Variants in GPC5 observed in about 807,000 individuals in gnomAD.
GPC5 encodes glypican-5.
GPC5 carries 47 observed loss-of-function variants against 53.9 expected under a neutral mutation model. That is an observed-to-expected ratio of 0.87 (90% CI 0.69 to 1.11). The LOEUF (loss-of-function observed/expected upper bound fraction) is 1.11. Ranked by LOEUF, GPC5 falls within the 50% of genes most tolerant of loss-of-function variation. GPC5 has a pLI of 0.00. For missense variants in GPC5, 748 were observed against 713.1 expected, an observed-to-expected ratio of 1.05 and a Z score of -0.56; for synonymous variants, 286 against 263.3, an observed-to-expected ratio of 1.09 and a Z score of -0.84.
intron 7 of GPC5, among the ~76,000 whole-genome samples, chr13:92,160,386 G>A (rs1010154890): frequency 9.9e-5 from 15 of 152,168 alleles, no homozygotes; most frequent in African/African-American, 3.4e-4. Flanking sequence ...CTTCCTTCTA[G>A]TCTTCGGGTG....
At chr13:92,840,907 A>G (rs1342002676) in intron 7 of GPC5, among the ~76,000 whole-genome samples, 1 of 151,840 alleles carries the variant, frequency 6.6e-6, no homozygotes, top group African/African-American at 2.4e-5. Context: ...CAGATTGTTC[A>G]TTTTTGATGT....
At chr13:92,196,702 C>T (rs2042258923) in intron 7 of GPC5, among the ~76,000 whole-genome samples, 1 of 152,180 alleles carries the variant, frequency 6.6e-6, no homozygotes, top group South Asian at 2.1e-4. Context: ...AACATGCCAA[C>T]ATCAAAAGCT....
At chr13:92,155,916 C>A (rs2041941753) in intron 7 of GPC5, among the ~76,000 whole-genome samples, 1 of 152,066 alleles carries the variant, frequency 6.6e-6, no homozygotes, top group Non-Finnish European at 1.5e-5. Context: ...ACTATGTTTG[C>A]AGAGATCATA....
At chr13:92,116,740 C>A (rs755649791) in intron 6 of GPC5, among the ~76,000 whole-genome samples, 1 of 152,148 alleles carries the variant, frequency 6.6e-6, no homozygotes, top group Non-Finnish European at 1.5e-5. Context: ...ATAACTTTCT[C>A]CATTATGACA....
chr13:91,474,925 G>T (rs1882845912), intron 2 of GPC5, among the ~76,000 whole-genome samples: 1 of 152,014 alleles, frequency 6.6e-6, no homozygotes, highest in South Asian at 2.1e-4. Flanking sequence ...AGTCCATAAG[G>T]ATAATATATT....
chr13:92,860,385 G>A (rs766584108), intron 7 of GPC5, among the ~76,000 whole-genome samples: 10 of 152,012 alleles, frequency 6.6e-5, no homozygotes, highest in Admixed American at 1.3e-4. Flanking sequence ...TTTGGTTCTC[G>A]GGTTATACAG....
intron 7 of GPC5, among the ~76,000 whole-genome samples, chr13:92,797,372 CTTGAT>C (rs1241543010): frequency 6.6e-6 from 1 of 151,866 alleles, no homozygotes; most frequent in African/African-American, 2.4e-5. Context: ...TAACCTGTTT[CTTGAT>C]TTATTTCCTC....
intron 6 of GPC5, among the ~76,000 whole-genome samples, chr13:92,122,807 C>T (rs1438310803): frequency 1.5e-5 from 1 of 65,896 alleles, no homozygotes; most frequent in Non-Finnish European, 2.9e-5. Flanking sequence ...TACATTCATT[C>T]TTAAAGAAGC....
intron 6 of GPC5, among the ~76,000 whole-genome samples, chr13:92,072,970 T>G (rs1444688215): frequency 6.6e-6 from 1 of 152,154 alleles, no homozygotes; most frequent in East Asian, 1.9e-4. Context: ...TTAATAAAAT[T>G]TAAGGCAAAA....
intron 5 of GPC5, among the ~76,000 whole-genome samples, chr13:91,809,393 TAA>T (rs1461395133): frequency 6.6e-6 from 1 of 152,174 alleles, no homozygotes; most frequent in African/African-American, 2.4e-5. Flanking sequence ...TTTCTGACAC[TAA>T]GTTTGACTAA....
At chr13:92,023,434 G>A (rs887944829) in intron 6 of GPC5, among the ~76,000 whole-genome samples, 6 of 151,884 alleles carry the variant, frequency 4.0e-5, no homozygotes, top group Non-Finnish European at 2.9e-5. Flanking sequence ...TCAAATTTGT[G>A]TTCACTAGGT....
At chr13:92,271,016 T>A (rs1352105800) in intron 7 of GPC5, among the ~76,000 whole-genome samples, 1 of 152,220 alleles carries the variant, frequency 6.6e-6, no homozygotes, top group Non-Finnish European at 1.5e-5. Context: ...CAAAAAGACA[T>A]AGAGGCTCTA....
At chr13:92,083,434 G>T (rs1246529707) in intron 6 of GPC5, among the ~76,000 whole-genome samples, 1 of 152,068 alleles carries the variant, frequency 6.6e-6, no homozygotes, top group East Asian at 1.9e-4. Flanking sequence ...TATAGAGTCA[G>T]GAGGTGATTA....
At chr13:92,475,779 A>G (rs1444105617) in intron 7 of GPC5, among the ~76,000 whole-genome samples, 1 of 152,190 alleles carries the variant, frequency 6.6e-6, no homozygotes, top group Non-Finnish European at 1.5e-5. Flanking sequence ...CCTGAGAAAC[A>G]CAAGCAATGG....
intron 7 of GPC5, among the ~76,000 whole-genome samples, chr13:92,153,848 T>C (rs773995782): frequency 2.6e-5 from 4 of 152,246 alleles, no homozygotes; most frequent in African/African-American, 9.6e-5. Context: ...ATTTCCCTCA[T>C]AATTAATTGG....
At chr13:92,709,549 C>G (rs187998332) in intron 7 of GPC5, 1 of 152,156 alleles carries the variant, frequency 6.6e-6, no homozygotes, top group East Asian at 1.9e-4. Context: ...CTTCTCATTA[C>G]TCCTGTGTCT....
chr13:91,446,039 TTTCTCCCCA>T (rs1348731612), intron 1 of GPC5, among the ~76,000 whole-genome samples: 2 of 152,132 alleles, frequency 1.3e-5, no homozygotes, highest in African/African-American at 4.8e-5. Context: ...CTATTCCTGG[TTTCTCCCCA>T]TTCTGTTTGT....
At chr13:92,838,298 C>A (rs548919797) in intron 7 of GPC5, among the ~76,000 whole-genome samples, 31 of 151,784 alleles carry the variant, frequency 2.0e-4, no homozygotes, top group African/African-American at 7.5e-4. Context: ...TCCTGGCTAA[C>A]ACCGTGAAAC....
chr13:92,074,754 T>C (rs2041239290), intron 6 of GPC5, among the ~76,000 whole-genome samples: 1 of 152,158 alleles, frequency 6.6e-6, no homozygotes, highest in African/African-American at 2.4e-5. Flanking sequence ...ACCTCACTAA[T>C]GTATGGTAAC....
Sources: allele counts gnomAD v4.1 joint callset (sites outside exome capture counted in the v4.1 genomes callset), GRCh38; gene constraint gnomAD v4.1.1; transcripts MANE v1.5; gene names NCBI Gene and HGNC (gene_info 2026-07-23, HGNC 2026-07-21).